PCNP: variants seen among roughly 807,000 people sequenced by gnomAD.
PCNP encodes PEST proteolytic signal containing nuclear protein.
In PCNP, 6 loss-of-function variants were observed where a neutral mutation model predicts 21.8. The observed-to-expected ratio is 0.28, with a 90% CI of 0.15 to 0.54. The LOEUF is 0.54. PCNP is among the 20% of genes least tolerant of loss of function. PCNP has a pLI of 0.95. For synonymous variants in PCNP, 67 were observed against 73.2 expected, an observed-to-expected ratio of 0.92 and a Z score of 0.43; for missense variants, 161 against 215.5, an observed-to-expected ratio of 0.75 and a Z score of 1.58.
chr3:101,587,863 G>T (rs1935613883), intron 3 of PCNP, among the ~76,000 whole-genome samples: 1 of 152,150 alleles, frequency 6.6e-6, no homozygotes, highest in Non-Finnish European at 1.5e-5. Context: ...GTTGGAAATT[G>T]TAAGCACCTA....
chr3:101,575,316 C>G (rs1934812088), intron 1 of PCNP, among the ~76,000 whole-genome samples: 1 of 152,290 alleles, frequency 6.6e-6, no homozygotes, highest in South Asian at 2.1e-4. Flanking sequence ...AGTAGACCTA[C>G]TAACATAATG....
intron 4 of PCNP, among the ~76,000 whole-genome samples, chr3:101,591,161 TAAATG>T (rs1482187001): frequency 6.6e-6 from 1 of 152,220 alleles, no homozygotes; most frequent in Non-Finnish European, 1.5e-5. Flanking sequence ...CAAAATAAGA[TAAATG>T]AAAGTATTTT....
At chr3:101,586,659 CATA>C (rs1935546634) in intron 3 of PCNP, among the ~76,000 whole-genome samples, 1 of 109,562 alleles carries the variant, frequency 9.1e-6, no homozygotes, top group African/African-American at 2.9e-5. Flanking sequence ...AGTGCAGTAG[CATA>C]ATCACAGCTC....
At chr3:101,588,158 C>CA (rs1318675780) in intron 3 of PCNP, among the ~76,000 whole-genome samples, 1 of 152,244 alleles carries the variant, frequency 6.6e-6, no homozygotes, top group Non-Finnish European at 1.5e-5. Flanking sequence ...GTAATCCCGG[C>CA]TACTCGGGAG....
At chr3:101,586,386 G>A (rs1458282822) in intron 3 of PCNP, among the ~76,000 whole-genome samples, 3 of 151,922 alleles carry the variant, frequency 2.0e-5, no homozygotes, top group Non-Finnish European at 4.4e-5. Context: ...TGTTATGAAT[G>A]ACCTATGGAA....
intron 1 of PCNP, chr3:101,576,905 C>G (rs1934940417): frequency 1.7e-5 from 27 of 1,601,876 alleles, no homozygotes; most frequent in Non-Finnish European, 2.1e-5. Flanking sequence ...GTGTTGAGTA[C>G]TCGCAAAATA....
rs1239556689 is a variant in PCNP at position 101,594,229 on chromosome 3, T to G, written c.*1476T>G. The G allele has an allele frequency of 6.6e-6, 1 of 152,630 alleles. No individual in the cohort carries two copies. Among genetic ancestry groups the G allele is most frequent in the Non-Finnish European group, 1.5e-5 (1 of 68,042 alleles). The allele number at this position is 152,630 out of a possible 1,614,324, so 9.5% of individuals were successfully genotyped here. A position where few individuals can be genotyped will look rare whatever the true frequency, so the allele number is the denominator to read the frequency against. On this transcript the variant is annotated 3_prime_UTR_variant, in exon 5 of 5. Transcript: ENST00000265260. Reference sequence around the variant, plus strand: ...TATAGAACTCTTAGTTCTTACATGATTTAATTATATCGATACATGAATTTA... The same window carrying G: ...TATAGAACTCTTAGTTCTTACATGAGTTAATTATATCGATACATGAATTTA...
At chr3:101,589,002 A>C (rs1935671708) in intron 3 of PCNP, among the ~76,000 whole-genome samples, 1 of 152,252 alleles carries the variant, frequency 6.6e-6, no homozygotes, top group African/African-American at 2.4e-5. Flanking sequence ...TGTGAAAATA[A>C]TATGATTGAG....
At chr3:101,586,364 G>A (rs1037353118) in intron 3 of PCNP, among the ~76,000 whole-genome samples, 3 of 151,864 alleles carry the variant, frequency 2.0e-5, no homozygotes, top group East Asian at 1.9e-4. Context: ...TCACAATGTC[G>A]TTATCTTCCC....
intron 3 of PCNP, among the ~76,000 whole-genome samples, chr3:101,586,563 T>A (rs1935520415): frequency 2.5e-5 from 2 of 78,530 alleles, no homozygotes; most frequent in South Asian, 5.3e-4. Context: ...TGTGTGTGTG[T>A]GTGTGTGTGA....
chr3:101,576,719 A>G, intron 1 of PCNP: 5 of 1,611,984 alleles, frequency 3.1e-6, no homozygotes, highest in African/African-American at 1.3e-5. Flanking sequence ...GGGATCTTGT[A>G]CTGGCGTGGA....
intron 2 of PCNP, among the ~76,000 whole-genome samples, chr3:101,583,817 A>ATTTT (rs564200727): frequency 7.7e-5 from 8 of 104,062 alleles, no homozygotes; most frequent in African/African-American, 1.5e-4. Flanking sequence ...TATCCAGCTA[A>ATTTT]TTTTTTTTTT....
In PCNP at chr3:101,593,679, T is replaced by C. The variant is rs1373010067; in HGVS notation, c.*926T>C. On this transcript the variant is annotated 3_prime_UTR_variant, in exon 5 of 5. Transcript: ENST00000265260. The stretch of plus-strand genomic sequence containing the variant: ...AAGATGGAAAATAAGAAGATGCACT[T>C]TCTGTAACTTTGTCTAAGGATTTAA... 1.3e-5 allele frequency: 2 copies of C among 152,608 alleles called. No individual in the cohort carries two copies. Among genetic ancestry groups the C allele is most frequent in the Non-Finnish European group, 2.9e-5 (2 of 68,014 alleles). The allele number at this position is 152,608 out of a possible 1,614,324, so 9.5% of individuals were successfully genotyped here. A position where few individuals can be genotyped will look rare whatever the true frequency, so the allele number is the denominator to read the frequency against.
chr3:101,589,888 C>A, intron 3 of PCNP: 1 of 234,950 alleles, frequency 4.3e-6, no homozygotes. Context: ...ATAATCATAC[C>A]TCCCTCATGC....
In PCNP at chr3:101,574,286, A is replaced by C. The variant is rs1261446219; in HGVS notation, c.64+7A>C. On this transcript the variant is annotated splice_region_variant and intron_variant, in intron 1 of 4. Transcript: ENST00000265260. ...CGAGCTGGAGCCGCCGGAGGTGAAC[A>C]CAACCCCAGCGTCGTGGGCAGCGTG... 1.3e-6 allele frequency: 2 copies of C among 1,538,332 alleles called. No individual in the cohort carries two copies.
chr3:101,590,724 T>C (rs528109720), intron 4 of PCNP, among the ~76,000 whole-genome samples: 118 of 150,890 alleles, frequency 7.8e-4, no homozygotes, highest in African/African-American at 2.8e-3. Flanking sequence ...TTTTTTTTTA[T>C]TTTTAGTAGA....
chr3:101,588,861 G>A (rs1185855084), intron 3 of PCNP, among the ~76,000 whole-genome samples: 2 of 152,204 alleles, frequency 1.3e-5, no homozygotes, highest in Admixed American at 6.5e-5. Flanking sequence ...CTATCAATAT[G>A]CCCCATCACT....
intron 1 of PCNP, among the ~76,000 whole-genome samples, chr3:101,577,670 C>A (rs1375288851): frequency 6.6e-6 from 1 of 152,068 alleles, no homozygotes; most frequent in Non-Finnish European, 1.5e-5. Context: ...GATTACAGGC[C>A]CTTGTCACCA....
rs1368561768 is a variant in PCNP at position 101,585,524 on chromosome 3, C to T, written c.354+13C>T. 1.3e-5 allele frequency: 21 copies of T among 1,578,594 alleles called. No individual in the cohort carries two copies. Among genetic ancestry groups the T allele is most frequent in the East Asian group, 2.2e-5 (1 of 44,468 alleles). On this transcript the variant is annotated intron_variant, in intron 3 of 4. Coordinates refer to ENST00000265260, the MANE Select transcript of PCNP (RefSeq NM_020357.3). Reference sequence around the variant, plus strand: ...TGAAGATGAAGATGTAAGTTGATATCGAGTTTTGTTTTTTTACTTTAACCA... The same window carrying T: ...TGAAGATGAAGATGTAAGTTGATATTGAGTTTTGTTTTTTTACTTTAACCA...
Sources: allele counts gnomAD v4.1 joint callset (sites outside exome capture counted in the v4.1 genomes callset), GRCh38; gene constraint gnomAD v4.1.1; transcripts MANE v1.5; gene names NCBI Gene and HGNC (gene_info 2026-07-23, HGNC 2026-07-21).